Variants in TBC1D9 observed in about 807,000 individuals in gnomAD.
TBC1D9 encodes TBC1 domain family member 9A.
Under a neutral mutation model 132.0 loss-of-function variants are expected in TBC1D9, and 63 were observed. The observed-to-expected ratio is 0.48, with a 90% CI of 0.39 to 0.59. The LOEUF (loss-of-function observed/expected upper bound fraction) is 0.59, where lower values mean the gene tolerates loss of function less well. Ranked by LOEUF, TBC1D9 falls within the 20% of genes least tolerant of loss-of-function variation. The probability of loss-of-function intolerance (pLI) is 0.00; values close to 1 mark genes in which losing one functional copy is unlikely to be tolerated. For synonymous variants in TBC1D9, 610 were observed against 609.9 expected (o/e 1.00, Z 0.00); for missense variants, 1,261 against 1,592.7 (o/e 0.79, Z 3.54).
chr4:140,746,772 T>A (rs1212489047), intron 1 of TBC1D9, among the ~76,000 whole-genome samples: 1 of 152,178 alleles, frequency 6.6e-6, no homozygotes, highest in Non-Finnish European at 1.5e-5. Context: ...ATGATTCAAT[T>A]ATTTCCACTG....
intron 10 of TBC1D9, among the ~76,000 whole-genome samples, chr4:140,660,420 A>G (rs1737338810): frequency 6.6e-6 from 1 of 152,228 alleles, no homozygotes. Flanking sequence ...ATCTCCCAGA[A>G]ACCGGTAACT....
intron 16 of TBC1D9, 93 bp downstream of exon 16, chr4:140,633,855 C>G: frequency 6.7e-7 from 1 of 1,489,976 alleles, no homozygotes; most frequent in Non-Finnish European, 9.1e-7. Flanking sequence ...CAAACCTCCC[C>G]TTGTGCTTCT....
At chr4:140,673,133 T>A (rs1434913828) in intron 6 of TBC1D9, among the ~76,000 whole-genome samples, 1 of 150,792 alleles carries the variant, frequency 6.6e-6, no homozygotes, top group Non-Finnish European at 1.5e-5. Context: ...GCCACTGCAC[T>A]CCAGCTTGGA....
At chr4:140,727,986 T>C (rs958625101) in intron 1 of TBC1D9, among the ~76,000 whole-genome samples, 1 of 152,248 alleles carries the variant, frequency 6.6e-6, no homozygotes, top group South Asian at 2.1e-4. Flanking sequence ...TAAGAAATCA[T>C]AGTCTACCAG....
At chr4:140,657,366 T>C (rs1737289567) in intron 12 of TBC1D9, 140 bp from the exon 13 acceptor site, 2 of 1,355,138 alleles carry the variant, frequency 1.5e-6, no homozygotes, top group East Asian at 4.6e-5. Flanking sequence ...AGAAAGAAAT[T>C]CTGTTAATTT....
intron 15 of TBC1D9, among the ~76,000 whole-genome samples, chr4:140,637,036 G>A (rs1488412975): frequency 2.6e-5 from 4 of 152,190 alleles, no homozygotes; most frequent in Non-Finnish European, 5.9e-5. Context: ...ACAGACCAGA[G>A]AGCGCAGCAG....
chr4:140,645,812 C>T (rs1239569898), intron 13 of TBC1D9, among the ~76,000 whole-genome samples: 2 of 152,206 alleles, frequency 1.3e-5, no homozygotes, highest in African/African-American at 4.8e-5. Flanking sequence ...CTGCCAGCCA[C>T]GGCCTGAGCA....
chr4:140,685,630 C>T (rs979225372), intron 3 of TBC1D9, among the ~76,000 whole-genome samples: 12 of 151,946 alleles, frequency 7.9e-5, no homozygotes, highest in African/African-American at 2.7e-4. Flanking sequence ...GGCATTAAGT[C>T]GGCCAGTTAA....
intron 1 of TBC1D9, among the ~76,000 whole-genome samples, chr4:140,748,495 A>T (rs1738872567): frequency 6.6e-6 from 1 of 152,188 alleles, no homozygotes; most frequent in African/African-American, 2.4e-5. Flanking sequence ...AACACCTACT[A>T]CCCCTAAGCA....
chr4:140,671,766 C>T (rs1259049131), intron 6 of TBC1D9, among the ~76,000 whole-genome samples: 1 of 150,128 alleles, frequency 6.7e-6, no homozygotes, highest in Non-Finnish European at 1.5e-5. Flanking sequence ...AAGACATATA[C>T]GGGTGATTTA....
chr4:140,621,924 G>C lies in TBC1D9; in HGVS notation c.*271C>G. On this transcript the variant is annotated 3_prime_UTR_variant, in exon 21 of 21. Transcript: ENST00000442267. ...TAAGTTATAATACACACATATCACTGACAGATTCATCTTTTTGTTTTTTAG... is the reference window on the plus strand; with the variant it reads ...TAAGTTATAATACACACATATCACTCACAGATTCATCTTTTTGTTTTTTAG... 5.6e-6 allele frequency: 2 copies of C among 355,924 alleles called. No individual in the cohort carries two copies. Among genetic ancestry groups the C allele is most frequent in the Non-Finnish European group, 9.9e-6 (2 of 201,162 alleles). 22.0% of individuals were successfully genotyped at this position (355,924 alleles called of 1,614,324 possible). A position where few individuals can be genotyped will look rare whatever the true frequency, so the allele number is the denominator to read the frequency against.
At chr4:140,677,215 A>C in intron 5 of TBC1D9, 114 bp from the exon 6 acceptor site, 25 of 1,182,756 alleles carry the variant, frequency 2.1e-5, no homozygotes, top group Non-Finnish European at 2.7e-5. Context: ...TGCTAGACTC[A>C]TCCCCCGCTT....
rs753536091 is a variant in TBC1D9 at position 140,634,158 on chromosome 4, C to T, written c.2536G>A (p.Gly846Arg). 15 of 1,613,638 alleles carry T rather than the reference C, an allele frequency of 9.3e-6. No individual in the cohort carries two copies. Among genetic ancestry groups the T allele is most frequent in the East Asian group, 4.5e-5 (2 of 44,888 alleles). ...TGCCGGTCCAGCGCGTTGCTGCTCC[C>T]GCCCCAGTAGCAGCTGGTGAGATGT... ...AEHLTSCYWG[G>R]SSNALDRHDP... Residue 846 changes from glycine (G) to arginine (R), a missense_variant, in exon 16 of 21, where the codon GGG becomes AGG. Gly to Arg is a moderately radical substitution (Grantham distance 125). Around this residue, in one of 3 missense-constraint regions of TBC1D9, gnomAD observed 618 missense variants for 724.4 expected, o/e 0.85. Transcript: ENST00000442267.
intron 15 of TBC1D9, among the ~76,000 whole-genome samples, chr4:140,638,392 G>T (rs1736912634): frequency 6.6e-6 from 1 of 151,500 alleles, no homozygotes; most frequent in African/African-American, 2.4e-5. Flanking sequence ...TCAAGATTGG[G>T]GCCAGGTGTG....
intron 1 of TBC1D9, among the ~76,000 whole-genome samples, chr4:140,720,715 T>C (rs1243952106): frequency 1.3e-5 from 2 of 152,144 alleles, no homozygotes; most frequent in Non-Finnish European, 2.9e-5. Context: ...GCTATTTCTG[T>C]TAGGGGAAAG....
chr4:140,688,960 C>T (rs1007291868), intron 2 of TBC1D9, among the ~76,000 whole-genome samples: 5 of 152,064 alleles, frequency 3.3e-5, no homozygotes, highest in Non-Finnish European at 5.9e-5. Flanking sequence ...CTGTGACATG[C>T]GGCAGACACA....
intron 8 of TBC1D9, among the ~76,000 whole-genome samples, chr4:140,669,363 T>C (rs1737499523): frequency 1.3e-5 from 2 of 152,210 alleles, no homozygotes; most frequent in Non-Finnish European, 1.5e-5. Context: ...TGTTTAAATA[T>C]GGGCTGAGAA....
chr4:140,691,109 C>G (rs1034553110), intron 2 of TBC1D9, among the ~76,000 whole-genome samples: 5 of 152,086 alleles, frequency 3.3e-5, no homozygotes, highest in African/African-American at 1.2e-4. Context: ...ACTAAAAGTA[C>G]GAGGATACTG....
Position 140,661,919 on chromosome 4 carries a change from G to A in TBC1D9, c.1777C>T (p.Arg593Ter), listed in dbSNP as rs763874280. ...TGGCAATACCCTATGTTGGGATTTC[G>A]AAAAGCATAAGCTGTTAAGACTCTC... ...LRRVLTAYAF[R>*]NPNIGYCQAM... The change falls in exon 10 of 21, where the codon CGA becomes TGA. Residue 593 changes from arginine (R) to a stop codon, truncating the protein, a stop_gained. Coordinates refer to ENST00000442267, the MANE Select transcript of TBC1D9 (RefSeq NM_015130.3). LOFTEE classifies it high-confidence loss of function. The A allele has an allele frequency of 3.1e-6, 5 of 1,613,818 alleles. No homozygotes were observed. The highest frequency in any genetic ancestry group is 2.5e-6 in the Non-Finnish European group (3 of 1,179,852).
Sources: gnomAD v4.1 joint callset for allele counts (sites outside exome capture counted in the v4.1 genomes callset) on GRCh38, gnomAD v4.1.1 for gene constraint, gnomAD v4.1.1 regional missense constraint, MANE v1.5 for transcripts, NCBI Gene and HGNC (gene_info 2026-07-23, HGNC 2026-07-21) for gene names.